The following ZNF385D variants were observed in gnomAD, a reference collection of about 807,000 sequenced individuals.
The protein encoded by ZNF385D is zinc finger protein 659.
A neutral mutation model predicts 35.8 loss-of-function variants in ZNF385D; 15 were observed. That is an observed-to-expected ratio of 0.42 (90% confidence interval 0.28 to 0.64). The LOEUF (loss-of-function observed/expected upper bound fraction) is 0.64. Among genes scored for constraint, ZNF385D ranks in the 30% least tolerant of loss-of-function variants. ZNF385D has a pLI of 0.23. For missense variants in ZNF385D, 474 were observed against 494.6 expected (o/e 0.96, Z 0.39); for synonymous variants, 212 against 186.8 (o/e 1.13, Z -1.10).
chr3:22,073,253 C>A (rs1017754700), intron 3 of ZNF385D, among the ~76,000 whole-genome samples: 1 of 151,288 alleles, frequency 6.6e-6, no homozygotes, highest in Non-Finnish European at 1.5e-5. Flanking sequence ...ATAAGATTTC[C>A]CTTTTGGATT....
intron 2 of ZNF385D, among the ~76,000 whole-genome samples, chr3:22,176,445 T>A (rs1694837936): frequency 6.6e-6 from 1 of 152,182 alleles, no homozygotes; most frequent in African/African-American, 2.4e-5. Context: ...TGACAGGAAA[T>A]TACATTATAG....
chr3:22,233,347 T>C (rs1699003571), intron 2 of ZNF385D, among the ~76,000 whole-genome samples: 1 of 152,096 alleles, frequency 6.6e-6, no homozygotes, highest in African/African-American at 2.4e-5. Flanking sequence ...ATTATTTCAC[T>C]TAAAAGAAAT....
intron 3 of ZNF385D, among the ~76,000 whole-genome samples, chr3:21,822,876 G>C (rs562177955): frequency 2.0e-5 from 3 of 151,908 alleles, no homozygotes; most frequent in African/African-American, 7.3e-5. Context: ...CAGCAAGCAA[G>C]TAATACTGCA....
At chr3:22,169,069 T>A (rs1356443420) in intron 2 of ZNF385D, 1 of 951,076 alleles carries the variant, frequency 1.1e-6, no homozygotes, top group Non-Finnish European at 1.3e-6. Flanking sequence ...AACAAGCAGA[T>A]CAAGATTTTT....
At chr3:21,855,927 G>A (rs1696688989) in intron 3 of ZNF385D, among the ~76,000 whole-genome samples, 2 of 151,784 alleles carry the variant, frequency 1.3e-5, no homozygotes, top group African/African-American at 2.4e-5. Flanking sequence ...ATAACAACAT[G>A]CTGCCACCAA....
At chr3:21,607,268 G>C (rs78505214) in intron 2 of ZNF385D, among the ~76,000 whole-genome samples, 26 of 152,174 alleles carry the variant, frequency 1.7e-4, no homozygotes, top group Middle Eastern at 3.4e-3. Context: ...TTTAGTTGGG[G>C]AAAGTTTGCA....
intron 3 of ZNF385D, among the ~76,000 whole-genome samples, chr3:21,521,646 C>T (rs1026136049): frequency 1.3e-5 from 2 of 152,028 alleles, no homozygotes; most frequent in African/African-American, 4.8e-5. Flanking sequence ...CTCAGCTACT[C>T]AGGAGGCTGA....
At chr3:22,098,037 T>G (rs1422156032) in intron 3 of ZNF385D, among the ~76,000 whole-genome samples, 1 of 152,054 alleles carries the variant, frequency 6.6e-6, no homozygotes, top group African/African-American at 2.4e-5. Context: ...ACTCACAGGC[T>G]AGGGAAATAC....
At chr3:21,762,591 T>C (rs550606036) in intron 3 of ZNF385D, among the ~76,000 whole-genome samples, 2 of 152,326 alleles carry the variant, frequency 1.3e-5, no homozygotes, top group East Asian at 3.9e-4. Context: ...ATATGTCTCA[T>C]CTATTTTATT....
intron 3 of ZNF385D, among the ~76,000 whole-genome samples, chr3:22,036,856 TC>T (rs1420231285): frequency 2.3e-5 from 2 of 87,022 alleles, no homozygotes; most frequent in African/African-American, 4.3e-5. Flanking sequence ...ATGCTATCCC[TC>T]CCCCCTCCCC....
At chr3:21,817,402 C>T (rs183565566) in intron 3 of ZNF385D, among the ~76,000 whole-genome samples, 83 of 152,278 alleles carry the variant, frequency 5.5e-4, no homozygotes, top group African/African-American at 1.9e-3. Context: ...AGGCAACCTA[C>T]AGAATGGGAG....
intron 4 of ZNF385D, among the ~76,000 whole-genome samples, chr3:21,496,298 T>TTA (rs1298868246): frequency 6.8e-6 from 1 of 146,616 alleles, no homozygotes; most frequent in African/African-American, 2.5e-5. Context: ...TATTTATGTA[T>TTA]TATATATATT....
intron 3 of ZNF385D, among the ~76,000 whole-genome samples, chr3:21,800,819 C>G (rs1371945226): frequency 6.6e-6 from 1 of 151,944 alleles, no homozygotes; most frequent in African/African-American, 2.4e-5. Context: ...ATTATGTTAT[C>G]TGCACATAGT....
chr3:21,472,984 A>G (rs1559325553), intron 4 of ZNF385D, among the ~76,000 whole-genome samples: 1 of 151,842 alleles, frequency 6.6e-6, no homozygotes, highest in Non-Finnish European at 1.5e-5. Flanking sequence ...TTTTAAATCT[A>G]CTCACCACTT....
chr3:21,685,041 T>C (rs2067060319), intron 1 of ZNF385D, among the ~76,000 whole-genome samples: 1 of 152,198 alleles, frequency 6.6e-6, no homozygotes, highest in East Asian at 1.9e-4. Context: ...CCAGTGGGTA[T>C]TGGCAAAAGC....
intron 2 of ZNF385D, among the ~76,000 whole-genome samples, chr3:22,256,452 T>A (rs936268773): frequency 4.6e-4 from 70 of 151,788 alleles, no homozygotes; most frequent in African/African-American, 1.6e-3. Flanking sequence ...TTGATCATTT[T>A]TTTTAGTTCC....
chr3:21,586,763 A>G (rs9859649), intron 2 of ZNF385D, among the ~76,000 whole-genome samples: 32,545 of 152,150 alleles, frequency 0.21, 3,827 homozygotes, highest in African/African-American at 0.31. Flanking sequence ...GGCAGAAAAA[A>G]TAATGCAAAA....
rs574869192 is a variant in ZNF385D, at chr3:21,652,292, A to G, written c.165+12594T>C. 2.0e-5 allele frequency among the ~76,000 whole-genome samples: 3 copies of G among 152,262 alleles called. No individual in the cohort carries two copies. In the East Asian group the frequency reaches 5.8e-4, roughly 29 times the overall value. ...AGTTCTACTATAAGGCTTTTGAACA[A>G]GCCAAATTATAACTGTAACATAAAG... On this transcript the variant is annotated intron_variant, in intron 2 of 7. Coordinates refer to ENST00000281523, the MANE Select transcript of ZNF385D (RefSeq NM_024697.3).
chr3:21,926,044 T>G (rs1415582992), intron 3 of ZNF385D, among the ~76,000 whole-genome samples: 1 of 152,160 alleles, frequency 6.6e-6, no homozygotes, highest in Non-Finnish European at 1.5e-5. Flanking sequence ...TGTAAAATAA[T>G]ATAGCCACTC....
Sources: gnomAD v4.1 joint callset for allele counts (sites outside exome capture counted in the v4.1 genomes callset) on GRCh38, gnomAD v4.1.1 for gene constraint, MANE v1.5 for transcripts, NCBI Gene and HGNC (gene_info 2026-07-23, HGNC 2026-07-21) for gene names.